DNAAF4: variants seen among roughly 807,000 people sequenced by gnomAD.
DNAAF4 encodes dynein assembly factor 4, axonemal.
DNAAF4 carries 43 observed loss-of-function variants against 51.8 expected under a neutral mutation model. That is an observed-to-expected ratio of 0.83 (90% CI 0.65 to 1.07). DNAAF4 has a LOEUF of 1.07. DNAAF4 is among the 50% of genes least tolerant of loss of function. The pLI is 0.00. For missense variants in DNAAF4, 581 were observed against 493.0 expected (o/e 1.18, Z -1.69); for synonymous variants, 194 against 165.6 (o/e 1.17, Z -1.32).
At chr15:55,431,403 C>T (rs2057492070) in intron 9 of DNAAF4, among the ~76,000 whole-genome samples, 1 of 151,038 alleles carries the variant, frequency 6.6e-6, no homozygotes, top group African/African-American at 2.4e-5. Flanking sequence ...TACATACATA[C>T]ATACAGGGAT....
chr15:55,449,033 A>C (rs1322704916), intron 6 of DNAAF4, among the ~76,000 whole-genome samples: 1 of 150,352 alleles, frequency 6.7e-6, no homozygotes, highest in African/African-American at 2.4e-5. Context: ...TCTTTCACCC[A>C]GGCTGGAGTG....
chr15:55,453,832 G>A (rs2057975855), intron 5 of DNAAF4, among the ~76,000 whole-genome samples: 1 of 152,020 alleles, frequency 6.6e-6, no homozygotes, highest in Non-Finnish European at 1.5e-5. Context: ...TTACAGGCAT[G>A]AGCCACAGCG....
In DNAAF4 at chr15:55,503,131, A is replaced by G. The variant is rs534379153; in HGVS notation, c.-255-4547T>C. On this transcript the variant is annotated intron_variant, in intron 1 of 9. Coordinates refer to ENST00000321149, the MANE Select transcript of DNAAF4 (RefSeq NM_130810.4). ...CCACAGAAATACAAACTACCATCAG[A>G]GAATACTATAAACACCTCTACGCAA... Among the ~76,000 whole-genome samples the G allele has an allele frequency of 6.6e-5, 10 of 152,326 alleles. 1 individual carries two copies. In the South Asian group the frequency reaches 2.1e-3, roughly 32 times the overall value.
chr15:55,500,075 G>A (rs2058687275), intron 1 of DNAAF4, among the ~76,000 whole-genome samples: 1 of 151,760 alleles, frequency 6.6e-6, no homozygotes. Flanking sequence ...AGAGAAACTG[G>A]GCCTTTGTGG....
At chr15:55,494,249 G>C (rs780248901) in intron 3 of DNAAF4, among the ~76,000 whole-genome samples, 1 of 151,642 alleles carries the variant, frequency 6.6e-6, no homozygotes, top group Non-Finnish European at 1.5e-5. Flanking sequence ...GGCTGGTCTC[G>C]GACTCCCAAC....
chr15:55,431,158 C>A (rs1226372107), intron 9 of DNAAF4, among the ~76,000 whole-genome samples: 1 of 152,046 alleles, frequency 6.6e-6, no homozygotes, highest in African/African-American at 2.4e-5. Flanking sequence ...CATGATCCAC[C>A]CACCTTGGCC....
At chr15:55,433,935 A>ATATAT (rs1567000546) in intron 8 of DNAAF4, among the ~76,000 whole-genome samples, 5 of 2,238 alleles carry the variant, frequency 2.2e-3, no homozygotes, top group Non-Finnish European at 4.8e-3. Context: ...ATATTATATA[A>ATATAT]AATATATATA....
intron 5 of DNAAF4, among the ~76,000 whole-genome samples, chr15:55,460,243 C>T (rs1794271369): frequency 6.7e-6 from 1 of 148,212 alleles, no homozygotes; most frequent in African/African-American, 2.5e-5. Flanking sequence ...TGCCGTGGTG[C>T]AGTCTCGGCT....
chr15:55,455,071 T>C (rs1369893316), intron 5 of DNAAF4, among the ~76,000 whole-genome samples: 5 of 148,650 alleles, frequency 3.4e-5, no homozygotes, highest in Non-Finnish European at 6.0e-5. Flanking sequence ...ACTACCAAAA[T>C]TGACTTTGGA....
intron 5 of DNAAF4, among the ~76,000 whole-genome samples, chr15:55,453,802 G>A (rs532555140): frequency 1.3e-5 from 2 of 151,760 alleles, no homozygotes; most frequent in South Asian, 2.1e-4. Context: ...CACCCACCTC[G>A]GCCCCCCAAA....
rs1032408027 is a variant in DNAAF4, at chr15:55,434,996, A to C, written c.956T>G (p.Leu319Arg). ...ATACAATAGTGGCATCTTATTATTT[A>C]GTCTTATGGCTAAATTATATGCATT... ...AINAYNLAIRLNNKMPLLYLN... is the reference protein window; with the variant it reads ...AINAYNLAIRRNNKMPLLYLN... Residue 319 changes from leucine (L) to arginine (R), a missense_variant, in exon 8 of 10, where the codon CTA (leucine) becomes CGA (arginine). Coordinates refer to ENST00000321149, the MANE Select transcript of DNAAF4 (RefSeq NM_130810.4). The C allele has an allele frequency of 3.7e-6, 6 of 1,612,916 alleles. No homozygotes were observed. In the Admixed American group the frequency reaches 8.4e-5, roughly 22 times the overall value.
intron 3 of DNAAF4, among the ~76,000 whole-genome samples, chr15:55,496,107 G>C (rs2058637427): frequency 6.6e-6 from 1 of 152,176 alleles, no homozygotes; most frequent in Non-Finnish European, 1.5e-5. Context: ...GCACGTGCCT[G>C]TAGTCCCAGC....
intron 7 of DNAAF4, among the ~76,000 whole-genome samples, chr15:55,421,778 AC>A (rs1012775719): frequency 5.3e-5 from 8 of 151,902 alleles, no homozygotes; most frequent in African/African-American, 1.9e-4. Context: ...AATCCCAGCT[AC>A]TTGGGAGTCT....
At chr15:55,495,285 T>A (rs1163228649) in intron 3 of DNAAF4, 1 of 148,372 alleles carries the variant, frequency 6.7e-6, no homozygotes, top group Admixed American at 6.8e-5. Context: ...CTGAGCTGAA[T>A]ACCCGATCTT....
intron 4 of DNAAF4, among the ~76,000 whole-genome samples, chr15:55,479,621 C>G (rs1333334836): frequency 1.3e-5 from 2 of 152,084 alleles, no homozygotes; most frequent in Non-Finnish European, 2.9e-5. Context: ...TTTCTTCTTG[C>G]AGAGAGCCTA....
chr15:55,430,383 A>G lies in DNAAF4; in HGVS notation c.*287T>C. On this transcript the variant is annotated 3_prime_UTR_variant, in exon 10 of 10. Transcript: ENST00000321149. ...GTAAGTGTCCTGGTAACTATACCAA[A>G]ACATATTTTGTTACAAGGGCAAGCT... 2.0e-6 allele frequency: 2 copies of G among 997,130 alleles called. No homozygotes were observed. The highest frequency in any genetic ancestry group is 2.4e-6 in the Non-Finnish European group (2 of 836,390). The allele number at this position is 997,130 out of a possible 1,614,324, so 61.8% of individuals were successfully genotyped here.
chr15:55,457,133 T>C (rs1259361297), intron 5 of DNAAF4, among the ~76,000 whole-genome samples: 1 of 152,114 alleles, frequency 6.6e-6, no homozygotes, highest in Non-Finnish European at 1.5e-5. Flanking sequence ...CCTCTTGCTT[T>C]CTCAGTGGCA....
chr15:55,447,882 G>C (rs7495414), intron 6 of DNAAF4, among the ~76,000 whole-genome samples: 22,653 of 123,838 alleles, frequency 0.18, 4,365 homozygotes, highest in Non-Finnish European at 0.25. Flanking sequence ...AGAGGGGAGA[G>C]GGGAGCCCCT....
intron 4 of DNAAF4, among the ~76,000 whole-genome samples, chr15:55,472,605 G>A (rs1039410912): frequency 6.6e-6 from 1 of 152,008 alleles, no homozygotes; most frequent in African/African-American, 2.4e-5. Flanking sequence ...GTGACACAGT[G>A]AGACTTCTCA....
Sources: allele counts gnomAD v4.1 joint callset (sites outside exome capture counted in the v4.1 genomes callset), GRCh38; gene constraint gnomAD v4.1.1; transcripts MANE v1.5; gene names NCBI Gene and HGNC (gene_info 2026-07-23, HGNC 2026-07-21).